The following BCAR1 variants were observed in gnomAD, a reference collection of about 807,000 sequenced individuals.
BCAR1 encodes the protein breast cancer anti-estrogen resistance protein 1.
BCAR1 carries 30 observed loss-of-function variants against 67.6 expected under a neutral mutation model. That is an observed-to-expected ratio of 0.44 (90% CI 0.33 to 0.60). The LOEUF is 0.60. BCAR1 is among the 20% of genes least tolerant of loss of function. The pLI, the probability that BCAR1 is intolerant of heterozygous loss-of-function variation, is 0.02. For synonymous variants in BCAR1, 626 were observed against 556.7 expected (o/e 1.12, Z -1.75); for missense variants, 1,313 against 1,222.3 (o/e 1.07, Z -1.11).
intron 6 of BCAR1, among the ~76,000 whole-genome samples, chr16:75,231,821 C>A (rs8062565): frequency 0.44 from 66,865 of 152,200 alleles, 16,828 homozygotes; most frequent in Admixed American, 0.61. Flanking sequence ...TCTGAAAACA[C>A]GGCGATCCCA....
chr16:75,251,798 C>A, upstream of BCAR1: 1 of 519,036 alleles, frequency 1.9e-6, no homozygotes, highest in Non-Finnish European at 2.5e-6. Flanking sequence ...CCGCCCCCCA[C>A]CTCCAACCCC....
At chr16:75,234,740 TG>T in intron 5 of BCAR1, 148 bp downstream of exon 5, 2 of 1,239,616 alleles carry the variant, frequency 1.6e-6, no homozygotes, top group Non-Finnish European at 2.2e-6. Context: ...CCCTAGCACA[TG>T]GGGCCAATGT....
At position 75,233,860 on chromosome 16, in the gene BCAR1, G is replaced by C; in HGVS notation, c.2086C>G (p.Leu696Val). 6.2e-7 allele frequency: 1 copy of C among 1,607,306 alleles called. No homozygotes were observed. The change falls in exon 6 of 7, where the codon CTG becomes GTG. Residue 696 changes from leucine to valine, a missense_variant. Physicochemically the swap from Leu to Val is conservative, Grantham distance 32 (BLOSUM62 1). Coordinates refer to ENST00000162330, the MANE Select transcript of BCAR1 (RefSeq NM_014567.5). ...GSITRQGKSQ[L>V]ELQQLKQFER... ...CGGGGCCTCACCTGCTGCAACTCCA[G>C]CTGGCTCTTGCCCTGCCGCGTGATG...
At chr16:75,251,351 A>C (rs757986735) in intron 1 of BCAR1, 120 bp downstream of exon 1, 4 of 1,337,150 alleles carry the variant, frequency 3.0e-6, no homozygotes, top group Non-Finnish European at 4.0e-6. Context: ...AGGGCCGCGG[A>C]CCCCGGCCGG....
intron 2 of BCAR1, chr16:75,238,128 T>C: frequency 7.8e-7 from 1 of 1,287,094 alleles, no homozygotes. Context: ...GCCCGCACAG[T>C]GGGTGAAGAG....
At chr16:75,258,331 C>A (rs150105732) in intron 1 of BCAR1, among the ~76,000 whole-genome samples, 58 of 152,328 alleles carry the variant, frequency 3.8e-4, no homozygotes, top group Non-Finnish European at 6.9e-4. Context: ...CAGATCCACC[C>A]GCCAACACTG....
intron 2 of BCAR1, among the ~76,000 whole-genome samples, 192 bp downstream of exon 2, chr16:75,242,278 G>A (rs1377780724): frequency 6.6e-6 from 1 of 152,158 alleles, no homozygotes; most frequent in East Asian, 1.9e-4. Flanking sequence ...CTCCCCTCTG[G>A]GTCCATTCAC....
chr16:75,243,398 A>G, intron 1 of BCAR1: 1 of 610,830 alleles, frequency 1.6e-6, no homozygotes, highest in Non-Finnish European at 3.1e-6. Flanking sequence ...ACCCAAGGCC[A>G]CTCTGCTACC....
In BCAR1 at chr16:75,236,988, G is replaced by A; in HGVS notation, c.806C>T (p.Thr269Ile). Reference protein sequence around the residue: ...PSQYGQEVYDTPPMAVKGPNG... With the variant: ...PSQYGQEVYDIPPMAVKGPNG... ...GGGACCCTTGACAGCCATGGGGGGT[G>A]TGTCATACACCTGGGGCAGAAACAG... Residue 269 changes from threonine (T) to isoleucine (I), a missense_variant, in exon 4 of 7, where the codon ACA (threonine) becomes ATA (isoleucine). Physicochemically the swap from Thr to Ile is moderately conservative, Grantham distance 89. Transcript: ENST00000162330. 6.2e-7 allele frequency: 1 copy of A among 1,603,602 alleles called. No individual in the cohort carries two copies. Among genetic ancestry groups the A allele is most frequent in the Non-Finnish European group, 8.5e-7 (1 of 1,174,654 alleles).
At position 75,248,332 on chromosome 16, in the gene BCAR1, C is replaced by G. The variant is rs554295611; in HGVS notation, c.12+3139G>C. 1.1e-4 allele frequency: 150 copies of G among 1,356,070 alleles called. 1 individual carries two copies. In the South Asian group the frequency reaches 2.3e-3, roughly 21 times the overall value. The allele number at this position is 1,356,070 out of a possible 1,614,324, so 84.0% of individuals were successfully genotyped here. On this transcript the variant is annotated intron_variant, in intron 1 of 6. Coordinates refer to ENST00000162330, the MANE Select transcript of BCAR1 (RefSeq NM_014567.5). Reference sequence around the variant, plus strand: ...GCAGGCACTTGGGAAACACTGACTTCTTTCATACCCAGAACCATCACAAAC... The same window carrying G: ...GCAGGCACTTGGGAAACACTGACTTGTTTCATACCCAGAACCATCACAAAC...
chr16:75,240,888 C>T (rs1314737208), intron 2 of BCAR1, among the ~76,000 whole-genome samples: 2 of 152,246 alleles, frequency 1.3e-5, no homozygotes, highest in African/African-American at 2.4e-5. Flanking sequence ...CTGCCGGAGA[C>T]GGAGACAGAA....
In BCAR1 at chr16:75,229,649, G is replaced by A. The variant is rs745941069; in HGVS notation, c.2475C>T (p.Gly825=). The A allele has an allele frequency of 8.1e-6, 13 of 1,612,640 alleles. No homozygotes were observed. The highest frequency in any genetic ancestry group is 1.3e-5 in the African/African-American group (1 of 74,952). Reference sequence around the variant, plus strand: ...CAGCGGCCTTGGTGGTGGCCACGATGCCGCGCAGGAGGTCGCACAGCAGGT... The same window carrying A: ...CAGCGGCCTTGGTGGTGGCCACGATACCGCGCAGGAGGTCGCACAGCAGGT... ...YSNLLCDLLR[G]IVATTKAAAL... The change falls in exon 7 of 7, where the codon GGC becomes GGT. Residue 825 remains glycine (G), a synonymous_variant. Coordinates refer to ENST00000162330, the MANE Select transcript of BCAR1 (RefSeq NM_014567.5).
intron 1 of BCAR1, chr16:75,265,987 C>A (rs879398712): frequency 1.4e-5 from 15 of 1,046,886 alleles, no homozygotes; most frequent in Non-Finnish European, 1.6e-5. Flanking sequence ...ACTGTCCGGC[C>A]GCTCCAGCCG....
upstream of BCAR1, chr16:75,252,321 C>T (rs2151464690): frequency 6.5e-7 from 1 of 1,536,260 alleles, no homozygotes. Context: ...CTAGGTTCAG[C>T]CTAAAACCTG....
intron 2 of BCAR1, 109 bp downstream of exon 2, chr16:75,242,361 G>A: frequency 7.6e-7 from 1 of 1,309,236 alleles, no homozygotes; most frequent in Non-Finnish European, 9.7e-7. Flanking sequence ...CAAACACACA[G>A]CCACTCCTGG....
chr16:75,263,477 G>A (rs968170021), intron 1 of BCAR1: 9 of 985,422 alleles, frequency 9.1e-6, no homozygotes, highest in Non-Finnish European at 8.4e-6. Context: ...AGAGGAAGGG[G>A]CACTGAGCAG....
At chr16:75,267,329 T>C (rs755238322) in intron 1 of BCAR1, among the ~76,000 whole-genome samples, 2 of 144,568 alleles carry the variant, frequency 1.4e-5, no homozygotes, top group Non-Finnish European at 3.0e-5. Context: ...ACTGTGCACA[T>C]CAGCGTCCGC....
chr16:75,248,174 C>T, intron 1 of BCAR1: 4 of 1,580,394 alleles, frequency 2.5e-6, no homozygotes, highest in East Asian at 2.3e-5. Context: ...GGTGGCTCCA[C>T]TTTATCTCCA....
At chr16:75,266,118 T>G in intron 1 of BCAR1, 2 of 831,000 alleles carry the variant, frequency 2.4e-6, no homozygotes, top group Non-Finnish European at 2.9e-6. Flanking sequence ...GGAGGCGCGG[T>G]CTCCTCCGCT....
Sources: allele counts gnomAD v4.1 joint callset (sites outside exome capture counted in the v4.1 genomes callset), GRCh38; gene constraint gnomAD v4.1.1; transcripts MANE v1.5; gene names NCBI Gene and HGNC (gene_info 2026-07-23, HGNC 2026-07-21).